The following RAB31 variants were observed in gnomAD, a reference collection of about 807,000 sequenced individuals.
RAB31 encodes the protein ras-related protein Rab-31.
In RAB31, 21 loss-of-function variants were observed where a neutral mutation model predicts 25.6. The ratio of observed to expected loss-of-function variants is 0.82; its 90% CI spans 0.58 to 1.18. The LOEUF (loss-of-function observed/expected upper bound fraction) is 1.18. RAB31 is among the 50% of genes most tolerant of loss of function. RAB31 has a pLI of 0.00. For synonymous variants in RAB31, 87 were observed against 84.0 expected (o/e 1.04, Z -0.20); for missense variants, 196 against 250.1 (o/e 0.78, Z 1.46).
chr18:9,714,599 C>G (rs80346601), intron 1 of RAB31, among the ~76,000 whole-genome samples: 9 of 152,342 alleles, frequency 5.9e-5, no homozygotes, highest in Non-Finnish European at 1.2e-4. Context: ...TGGTAGATAA[C>G]GCTTATTTGG....
intron 3 of RAB31, among the ~76,000 whole-genome samples, chr18:9,813,029 G>A (rs747637333): frequency 2.7e-4 from 41 of 152,214 alleles, no homozygotes; most frequent in Non-Finnish European, 5.9e-4. Flanking sequence ...AAAAAAATAT[G>A]CAGATTAAGA....
intron 1 of RAB31, among the ~76,000 whole-genome samples, chr18:9,736,771 A>C (rs931235466): frequency 6.6e-6 from 1 of 152,202 alleles, no homozygotes; most frequent in African/African-American, 2.4e-5. Flanking sequence ...GTGGTGGTAA[A>C]AAAACTTGGC....
chr18:9,741,170 G>A (rs992669563), intron 1 of RAB31, among the ~76,000 whole-genome samples: 1 of 151,928 alleles, frequency 6.6e-6, no homozygotes, highest in Admixed American at 6.6e-5. Flanking sequence ...GAGGTCAGGA[G>A]TTCGAGACCA....
chr18:9,742,626 G>A (rs1393143241), intron 1 of RAB31, among the ~76,000 whole-genome samples: 2 of 152,224 alleles, frequency 1.3e-5, no homozygotes, highest in Admixed American at 6.5e-5. Context: ...CAGGGTTGGG[G>A]AAGGCTGAGG....
chr18:9,817,017 C>T lies in RAB31; in HGVS notation c.380+1795C>T, dbSNP rs370232106. On this transcript the variant is annotated intron_variant, in intron 5 of 6. Coordinates refer to ENST00000578921, the MANE Select transcript of RAB31 (RefSeq NM_006868.4). The stretch of plus-strand genomic sequence containing the variant: ...CTTGCATCTGGTTGGTTTATAATAA[C>T]AGCCATAAACACCACTTTTCTGGGA... Among the ~76,000 whole-genome samples the T allele has an allele frequency of 3.5e-4, 53 of 152,304 alleles. No individual in the cohort carries two copies. In the East Asian group the frequency reaches 6.0e-3, roughly 17 times the overall value.
intron 2 of RAB31, among the ~76,000 whole-genome samples, chr18:9,785,826 C>G (rs937060552): frequency 6.6e-6 from 1 of 152,120 alleles, no homozygotes; most frequent in East Asian, 1.9e-4. Context: ...TTTGGGAGGC[C>G]GAGGTGGGTG....
chr18:9,744,272 A>G (rs543394238), intron 1 of RAB31, among the ~76,000 whole-genome samples: 9 of 152,352 alleles, frequency 5.9e-5, no homozygotes, highest in African/African-American at 2.2e-4. Flanking sequence ...ATTGGTAGCA[A>G]TGCAAAATAA....
intron 6 of RAB31, among the ~76,000 whole-genome samples, chr18:9,855,579 T>G (rs1176049550): frequency 1.3e-5 from 2 of 152,226 alleles, no homozygotes; most frequent in African/African-American, 4.8e-5. Context: ...CGGTAAATTC[T>G]GAATACCTTA....
intron 1 of RAB31, among the ~76,000 whole-genome samples, chr18:9,749,453 A>AT (rs1219932241): frequency 6.6e-6 from 1 of 152,202 alleles, no homozygotes; most frequent in Non-Finnish European, 1.5e-5. Context: ...CCAACACAAA[A>AT]TTCTACTCCT....
At chr18:9,785,932 A>G (rs1026060316) in intron 2 of RAB31, among the ~76,000 whole-genome samples, 2 of 152,080 alleles carry the variant, frequency 1.3e-5, no homozygotes, top group Non-Finnish European at 2.9e-5. Context: ...GTGGTGGTGC[A>G]TCCCTGTAAT....
intron 3 of RAB31, among the ~76,000 whole-genome samples, chr18:9,799,264 G>C (rs966544852): frequency 6.6e-6 from 1 of 152,180 alleles, no homozygotes; most frequent in East Asian, 1.9e-4. Flanking sequence ...TCCGCTCAGT[G>C]CTTTGCTTGT....
At chr18:9,740,575 TG>T (rs1484095677) in intron 1 of RAB31, among the ~76,000 whole-genome samples, 1 of 151,990 alleles carries the variant, frequency 6.6e-6, no homozygotes, top group Non-Finnish European at 1.5e-5. Flanking sequence ...TAGCTGGGCG[TG>T]GTGGCGCACA....
At chr18:9,773,386 A>AT (rs1382246769) in intron 1 of RAB31, among the ~76,000 whole-genome samples, 12 of 152,078 alleles carry the variant, frequency 7.9e-5, no homozygotes, top group African/African-American at 2.9e-4. Flanking sequence ...TGAATCAGCT[A>AT]TTTTTTCATT....
chr18:9,775,990 A>G (rs2145491250), intron 2 of RAB31, among the ~76,000 whole-genome samples: 1 of 152,150 alleles, frequency 6.6e-6, no homozygotes, highest in South Asian at 2.1e-4. Context: ...GGGTTTCACC[A>G]TGTTGGTCAG....
At chr18:9,769,962 A>G (rs908427586) in intron 1 of RAB31, among the ~76,000 whole-genome samples, 43 of 151,948 alleles carry the variant, frequency 2.8e-4, no homozygotes, top group Admixed American at 3.9e-4. Context: ...AGTTTTTGTG[A>G]TTGGTTTTGT....
chr18:9,735,279 A>G, intron 1 of RAB31: 1 of 161,632 alleles, frequency 6.2e-6, no homozygotes, highest in Non-Finnish European at 1.4e-5. Context: ...TGGCCTCCCA[A>G]AGTGTAGGGA....
At chr18:9,757,183 GCCTGGGAGTCAGAGC>G (rs1183847800) in intron 1 of RAB31, among the ~76,000 whole-genome samples, 1 of 152,226 alleles carries the variant, frequency 6.6e-6, no homozygotes, top group Non-Finnish European at 1.5e-5. Flanking sequence ...GGAAGGGGAT[GCCTGGGAGTCAGAGC>G]CCGAAGATCA....
At chr18:9,838,023 C>T (rs1039911085) in intron 5 of RAB31, among the ~76,000 whole-genome samples, 1 of 152,162 alleles carries the variant, frequency 6.6e-6, no homozygotes, top group African/African-American at 2.4e-5. Flanking sequence ...TGCTGTCATC[C>T]TCACTGAGAC....
chr18:9,859,509 C>T lies in RAB31; in HGVS notation c.*184C>T, dbSNP rs990780253. On this transcript the variant is annotated 3_prime_UTR_variant, in exon 7 of 7. Transcript: ENST00000578921. ...TACCTGAAAAGGATTTTAGAAAACC[C>T]TGGGAAAACCCACCACACCACCACA... 4 of 485,584 alleles carry T rather than the reference C, an allele frequency of 8.2e-6. No individual in the cohort carries two copies. The allele number at this position is 485,584 out of a possible 1,614,324, so 30.1% of individuals were successfully genotyped here.
Sources: gnomAD v4.1 joint callset for allele counts (sites outside exome capture counted in the v4.1 genomes callset) on GRCh38, gnomAD v4.1.1 for gene constraint, MANE v1.5 for transcripts, NCBI Gene and HGNC (gene_info 2026-07-23, HGNC 2026-07-21) for gene names.